Variants in TMEM163 observed in about 807,000 individuals in gnomAD.
TMEM163 encodes transmembrane protein 163.
A neutral mutation model predicts 29.3 loss-of-function variants in TMEM163; 17 were observed. The ratio of observed to expected loss-of-function variants is 0.58; its 90% CI spans 0.40 to 0.87. TMEM163 has a LOEUF of 0.87. TMEM163 is among the 40% of genes least tolerant of loss of function. The pLI is 0.00. For missense variants in TMEM163, 303 were observed against 381.5 expected (o/e 0.79, Z 1.71); for synonymous variants, 157 against 160.6 (o/e 0.98, Z 0.17).
chr2:134,696,846 G>A (rs1477800902), intron 2 of TMEM163, among the ~76,000 whole-genome samples: 1 of 152,132 alleles, frequency 6.6e-6, no homozygotes, highest in African/African-American at 2.4e-5. Flanking sequence ...CATGATCTCA[G>A]CTTACTGCAA....
At chr2:134,467,200 A>C (rs1320660574) in intron 5 of TMEM163, 1 of 152,210 alleles carries the variant, frequency 6.6e-6, no homozygotes, top group Non-Finnish European at 1.5e-5. Context: ...TGGGTCAATG[A>C]CGGTGGTGGT....
At chr2:134,593,704 C>G (rs2104804101) in intron 2 of TMEM163, among the ~76,000 whole-genome samples, 1 of 152,212 alleles carries the variant, frequency 6.6e-6, no homozygotes, top group South Asian at 2.1e-4. Context: ...CCTGATCAGT[C>G]TGCACCCAGG....
At chr2:134,457,654 C>T (rs1339618734) in intron 7 of TMEM163, among the ~76,000 whole-genome samples, 2 of 152,238 alleles carry the variant, frequency 1.3e-5, no homozygotes, top group African/African-American at 4.8e-5. Flanking sequence ...TTGCATCCCC[C>T]ATTTGTGGCA....
At chr2:134,510,200 C>A (rs897358064) in intron 4 of TMEM163, among the ~76,000 whole-genome samples, 1 of 152,130 alleles carries the variant, frequency 6.6e-6, no homozygotes, top group African/African-American at 2.4e-5. Context: ...AAGACCATCG[C>A]TCCATGATGG....
At chr2:134,669,973 C>G (rs1271068298) in intron 2 of TMEM163, among the ~76,000 whole-genome samples, 1 of 152,140 alleles carries the variant, frequency 6.6e-6, no homozygotes, top group Non-Finnish European at 1.5e-5. Context: ...CCAACTGTAA[C>G]CCCATGAGGG....
chr2:134,682,942 G>A (rs1684278109), intron 2 of TMEM163, among the ~76,000 whole-genome samples: 1 of 152,118 alleles, frequency 6.6e-6, no homozygotes, highest in Admixed American at 6.6e-5. Context: ...GTGCCAAAAG[G>A]AAATGAGCTA....
intron 2 of TMEM163, among the ~76,000 whole-genome samples, chr2:134,670,938 C>T (rs974605468): frequency 9.2e-5 from 14 of 152,330 alleles, no homozygotes; most frequent in Admixed American, 7.2e-4. Context: ...TCAAGCACTG[C>T]CCCGTTCTTC....
intron 5 of TMEM163, among the ~76,000 whole-genome samples, chr2:134,498,163 G>A (rs1679614671): frequency 6.6e-6 from 1 of 152,088 alleles, no homozygotes; most frequent in Non-Finnish European, 1.5e-5. Flanking sequence ...TGACTTGCCT[G>A]CAGTCACACA....
Position 134,460,701 on chromosome 2 carries a change from C to T in TMEM163, c.668-2528G>A, listed in dbSNP as rs990445158. On this transcript the variant is annotated intron_variant, in intron 6 of 7. Coordinates refer to ENST00000281924, the MANE Select transcript of TMEM163 (RefSeq NM_030923.5). This position sits in a 1 kb window ranked among gnomAD's most constrained non-coding sequence, Gnocchi z 4.3. ...AGGCAAAAGCGTGAGGTTCCCCAGA[C>T]AGCCACTAGATGTCTGCTCAGCTCC... 2.0e-5 allele frequency among the ~76,000 whole-genome samples: 3 copies of T among 152,168 alleles called. No individual in the cohort carries two copies. Among genetic ancestry groups the T allele is most frequent in the African/African-American group, 4.8e-5 (2 of 41,424 alleles).
chr2:134,479,177 T>G (rs898225138), intron 5 of TMEM163, among the ~76,000 whole-genome samples: 3 of 152,210 alleles, frequency 2.0e-5, no homozygotes, highest in Non-Finnish European at 2.9e-5. Context: ...CTGCCCAGTC[T>G]ATGGCATTCG....
chr2:134,594,539 C>G (rs1253597281), intron 2 of TMEM163, among the ~76,000 whole-genome samples: 1 of 152,178 alleles, frequency 6.6e-6, no homozygotes, highest in Non-Finnish European at 1.5e-5. Flanking sequence ...CTCACACACA[C>G]AGCGGGATAA....
chr2:134,635,284 C>T (rs942014780), intron 2 of TMEM163, among the ~76,000 whole-genome samples: 4 of 152,190 alleles, frequency 2.6e-5, no homozygotes, highest in Admixed American at 6.5e-5. Context: ...GTTCCCAATG[C>T]TCAGTAGACG....
At chr2:134,463,922 A>T (rs1185741480) in intron 6 of TMEM163, among the ~76,000 whole-genome samples, 3 of 152,194 alleles carry the variant, frequency 2.0e-5, no homozygotes, top group Non-Finnish European at 2.9e-5. Context: ...GCAGCAACCC[A>T]GGGCTTCATC....
intron 1 of TMEM163, among the ~76,000 whole-genome samples, chr2:134,715,124 C>T (rs894501514): frequency 6.6e-6 from 1 of 152,208 alleles, no homozygotes; most frequent in African/African-American, 2.4e-5. Flanking sequence ...AGATTGTCAT[C>T]CACTGAGGTA....
intron 4 of TMEM163, among the ~76,000 whole-genome samples, chr2:134,544,118 C>A (rs1680731705): frequency 6.6e-6 from 1 of 152,110 alleles, no homozygotes; most frequent in Admixed American, 6.5e-5. Context: ...TGTCAGAGAC[C>A]CCCCAGTGAG....
intron 4 of TMEM163, among the ~76,000 whole-genome samples, chr2:134,524,232 G>A (rs575243071): frequency 8.5e-5 from 13 of 152,312 alleles, no homozygotes; most frequent in African/African-American, 2.4e-4. Flanking sequence ...GGTTACACAC[G>A]AGAATTACCC....
chr2:134,669,505 T>TC (rs1475117380), intron 2 of TMEM163, among the ~76,000 whole-genome samples: 1 of 152,154 alleles, frequency 6.6e-6, no homozygotes, highest in Non-Finnish European at 1.5e-5. Context: ...CCAACCAAGT[T>TC]CCCCATCCTG....
intron 2 of TMEM163, among the ~76,000 whole-genome samples, chr2:134,553,432 G>C (rs1480915257): frequency 1.3e-5 from 2 of 152,234 alleles, no homozygotes; most frequent in Non-Finnish European, 2.9e-5. Context: ...TTGAGACAGA[G>C]AGAGTCTAGT....
chr2:134,672,409 C>T (rs147658774), intron 2 of TMEM163, among the ~76,000 whole-genome samples: 89 of 152,236 alleles, frequency 5.8e-4, no homozygotes, highest in African/African-American at 1.9e-3. Context: ...CAGACCAACA[C>T]GTGCCTATGT....
Sources: allele counts gnomAD v4.1 joint callset (sites outside exome capture counted in the v4.1 genomes callset), GRCh38; gene constraint gnomAD v4.1.1; non-coding constraint Gnocchi (gnomAD v3.1); transcripts MANE v1.5; gene names NCBI Gene and HGNC (gene_info 2026-07-23, HGNC 2026-07-21).